ZDHHC15: variants seen among roughly 807,000 people sequenced by gnomAD.
ZDHHC15 encodes the protein palmitoyltransferase ZDHHC15.
A neutral mutation model predicts 31.7 loss-of-function variants in ZDHHC15; 19 were observed. The ratio of observed to expected loss-of-function variants is 0.60; its 90% CI spans 0.42 to 0.88. The LOEUF is 0.88. Among genes scored for constraint, ZDHHC15 ranks in the 40% least tolerant of loss-of-function variants. The probability of loss-of-function intolerance (pLI) is 0.00; values close to 1 mark genes in which losing one functional copy is unlikely to be tolerated. For synonymous variants in ZDHHC15, 103 were observed against 90.0 expected (o/e 1.14, Z -0.82); for missense variants, 209 against 251.2 (o/e 0.83, Z 1.14).
At chrX:75,439,954 C>A (rs899364264) in intron 4 of ZDHHC15, among the ~76,000 whole-genome samples, 2 of 110,897 alleles carry the variant, frequency 1.8e-5, no homozygotes, top group African/African-American at 6.6e-5. Context: ...GTCTAGCCAC[C>A]CAGCAGAGCT....
intron 2 of ZDHHC15, among the ~76,000 whole-genome samples, chrX:75,486,958 C>T (rs1388682221): frequency 9.0e-6 from 1 of 111,128 alleles, no homozygotes; most frequent in African/African-American, 3.3e-5. Flanking sequence ...TATGGCACCA[C>T]CTATCACCTG....
In ZDHHC15 at chrX:75,478,987, T is replaced by A. The variant is rs1232123801; in HGVS notation, c.164-2A>T. On this transcript the variant is annotated splice_acceptor_variant, in intron 2 of 11. Transcript: ENST00000373367. LOFTEE classifies it high-confidence loss of function. ...CATGGTAGAGTATGAGGTAAATAAC[T>A]GAAATAAAAAAAAAATCAGTGTTTA... 4.4e-6 allele frequency: 5 copies of A among 1,143,308 alleles called. No individual in the cohort carries two copies. In the Admixed American group the frequency reaches 7.5e-5, roughly 17 times the overall value. 94.2% of individuals were successfully genotyped at this position (1,143,308 alleles called of 1,213,427 possible).
At chrX:75,503,543 C>A (rs1172004791) in intron 2 of ZDHHC15, among the ~76,000 whole-genome samples, 1 of 110,837 alleles carries the variant, frequency 9.0e-6, no homozygotes, top group African/African-American at 3.3e-5. Flanking sequence ...CTCAAAATAA[C>A]CATGAAAGAT....
intron 10 of ZDHHC15, among the ~76,000 whole-genome samples, chrX:75,412,436 CTT>C (rs1196578193): frequency 9.7e-6 from 1 of 103,604 alleles, no homozygotes; most frequent in Non-Finnish European, 2.0e-5. Context: ...GATTATTATT[CTT>C]TTTTTTTTTT....
intron 2 of ZDHHC15, among the ~76,000 whole-genome samples, chrX:75,504,294 T>C (rs1003172628): frequency 3.6e-5 from 4 of 111,658 alleles, no homozygotes; most frequent in Admixed American, 2.9e-4. Context: ...ATTTCACTGC[T>C]TTTTGTGTTT....
intron 3 of ZDHHC15, among the ~76,000 whole-genome samples, chrX:75,455,089 G>A (rs934624692): frequency 1.8e-5 from 2 of 111,694 alleles, no homozygotes; most frequent in Non-Finnish European, 3.8e-5. Context: ...AACAAAGCTG[G>A]AGGCATCATG....
rs145532545 is a variant in ZDHHC15, at chrX:75,427,907, A to G, written c.603+1171T>C. 3.2e-3 allele frequency among the ~76,000 whole-genome samples: 358 copies of G among 111,486 alleles called. 1 individual carries two copies. The highest frequency in any genetic ancestry group is 0.011 in the African/African-American group (327 of 30,778). ...AGGGAAATGGAAAACACACATCACT[A>G]TAATTTTCTACACTATCTTTTCTAT... On this transcript the variant is annotated intron_variant, in intron 7 of 11. Transcript: ENST00000373367.
chrX:75,519,256 C>T (rs1036401263), intron 1 of ZDHHC15, among the ~76,000 whole-genome samples: 2 of 111,714 alleles, frequency 1.8e-5, no homozygotes, highest in African/African-American at 6.5e-5. Context: ...CTCTAAAAAG[C>T]TAAGCTTCTT....
chrX:75,393,316 G>C (rs1239279082), intron 10 of ZDHHC15, among the ~76,000 whole-genome samples: 1 of 111,309 alleles, frequency 9.0e-6, no homozygotes. Context: ...GACTCTCACT[G>C]AGGGAAATCT....
intron 4 of ZDHHC15, among the ~76,000 whole-genome samples, chrX:75,440,895 A>C (rs1408458725): frequency 9.0e-6 from 1 of 111,208 alleles, no homozygotes; most frequent in African/African-American, 3.3e-5. Context: ...TAATGGAGTT[A>C]TGTTCCCAGG....
At chrX:75,444,640 G>GTATATA (rs760429265) in intron 4 of ZDHHC15, among the ~76,000 whole-genome samples, 4 of 22,729 alleles carry the variant, frequency 1.8e-4, no homozygotes, top group African/African-American at 9.3e-4. Flanking sequence ...AAGCAACACT[G>GTATATA]TATATATATA....
At chrX:75,381,097 C>A (rs1336649216) in intron 10 of ZDHHC15, among the ~76,000 whole-genome samples, 1 of 111,019 alleles carries the variant, frequency 9.0e-6, no homozygotes, top group Non-Finnish European at 1.9e-5. Context: ...CATTACCTCC[C>A]CAGCCTCAGC....
chrX:75,444,467 G>A (rs1450857503), intron 4 of ZDHHC15, among the ~76,000 whole-genome samples: 3 of 75,844 alleles, frequency 4.0e-5, no homozygotes, highest in Admixed American at 2.9e-4. Flanking sequence ...AGGGCCTGTC[G>A]TGGGGTGGGG....
chrX:75,431,299 T>C (rs1569325039), intron 5 of ZDHHC15, 152 bp downstream of exon 5: 2 of 423,875 alleles, frequency 4.7e-6, no homozygotes, highest in East Asian at 8.0e-5. Flanking sequence ...TGGATCATCA[T>C]CATCCGTGTG....
At chrX:75,477,684 G>A (rs1264125566) in intron 3 of ZDHHC15, among the ~76,000 whole-genome samples, 1 of 111,380 alleles carries the variant, frequency 9.0e-6, no homozygotes, top group Non-Finnish European at 1.9e-5. Flanking sequence ...CCCTTGCTCT[G>A]TTTTGATTAC....
At chrX:75,462,841 T>A (rs1602668405) in intron 3 of ZDHHC15, among the ~76,000 whole-genome samples, 1 of 110,958 alleles carries the variant, frequency 9.0e-6, no homozygotes, top group South Asian at 3.8e-4. Context: ...ATTGACACCC[T>A]AATATCACAA....
At chrX:75,434,187 TG>T (rs1437760196) in intron 4 of ZDHHC15, among the ~76,000 whole-genome samples, 1 of 111,868 alleles carries the variant, frequency 8.9e-6, no homozygotes. Context: ...TTGATGGGAT[TG>T]TTTTTTTCTT....
intron 2 of ZDHHC15, among the ~76,000 whole-genome samples, chrX:75,490,952 C>T (rs1200075186): frequency 2.6e-4 from 29 of 111,611 alleles, no homozygotes; most frequent in Admixed American, 1.4e-3. Context: ...GTTAGAATGG[C>T]AATCATTAAA....
rs182613804 is a variant in ZDHHC15 at position 75,489,904 on chromosome X, T to C, written c.164-10919A>G. Reference sequence around the variant, plus strand: ...GCAGAGAAGTCCTTAAAGGACCTGATGGAGCTGAAAAACAAGGCACAAGAA... The same window carrying C: ...GCAGAGAAGTCCTTAAAGGACCTGACGGAGCTGAAAAACAAGGCACAAGAA... On this transcript the variant is annotated intron_variant, in intron 2 of 11. Transcript: ENST00000373367. Among the ~76,000 whole-genome samples, 79 of 111,963 alleles carry C rather than the reference T, an allele frequency of 7.1e-4. 1 individual carries two copies. Among genetic ancestry groups the C allele is most frequent in the African/African-American group, 2.4e-3 (75 of 30,855 alleles).
Sources: allele counts gnomAD v4.1 joint callset (sites outside exome capture counted in the v4.1 genomes callset), GRCh38; gene constraint gnomAD v4.1.1; transcripts MANE v1.5; gene names NCBI Gene and HGNC (gene_info 2026-07-23, HGNC 2026-07-21).